The following SGCD variants were observed in gnomAD, a reference collection of about 807,000 sequenced individuals.
SGCD encodes the protein sarcoglycan delta.
Under a neutral mutation model 36.6 loss-of-function variants are expected in SGCD, and 18 were observed. That is an observed-to-expected ratio of 0.49 (90% CI 0.34 to 0.73). The LOEUF (loss-of-function observed/expected upper bound fraction) is 0.73, where lower values mean the gene tolerates loss of function less well. SGCD is among the 30% of genes least tolerant of loss of function. The pLI is 0.01. For synonymous variants in SGCD, 133 were observed against 130.6 expected (o/e 1.02, Z -0.12); for missense variants, 387 against 346.7 (o/e 1.12, Z -0.92).
intron 7 of SGCD, among the ~76,000 whole-genome samples, chr5:156,700,114 C>A (rs961295074): frequency 2.0e-5 from 3 of 152,182 alleles, no homozygotes; most frequent in Non-Finnish European, 2.9e-5. Flanking sequence ...CAATCTAATT[C>A]TTTGTCTACC....
intron 2 of SGCD, among the ~76,000 whole-genome samples, chr5:156,333,630 C>T (rs962467221): frequency 8.6e-5 from 13 of 152,028 alleles, no homozygotes; most frequent in Non-Finnish European, 1.5e-4. Context: ...ACCACTCTTT[C>T]TCATTGGCTC....
intron 1 of SGCD, among the ~76,000 whole-genome samples, chr5:155,951,890 T>G (rs2113431920): frequency 6.6e-6 from 1 of 152,196 alleles, no homozygotes; most frequent in South Asian, 2.1e-4. Flanking sequence ...CCAGCAATGG[T>G]TAATGTACTA....
intron 3 of SGCD, among the ~76,000 whole-genome samples, chr5:156,485,952 G>A (rs1755637680): frequency 6.6e-6 from 1 of 152,124 alleles, no homozygotes; most frequent in South Asian, 2.1e-4. Context: ...CCTAGTTACA[G>A]AAGAGCTCCT....
intron 1 of SGCD, among the ~76,000 whole-genome samples, chr5:156,111,110 G>T (rs763543957): frequency 3.9e-5 from 6 of 152,160 alleles, no homozygotes; most frequent in Non-Finnish European, 8.8e-5. Flanking sequence ...TGAGAAAAAA[G>T]AAGAGAGGAG....
the SGCD span, among the ~76,000 whole-genome samples, chr5:155,823,328 G>A: frequency 5.4e-4 from 82 of 150,986 alleles, no homozygotes; most frequent in Admixed American, 1.2e-3. Context: ...AAAAAAGGTC[G>A]GGGGGTGGTG....
At chr5:155,729,267 C>T in the SGCD span, among the ~76,000 whole-genome samples, 38 of 152,226 alleles carry the variant, frequency 2.5e-4, no homozygotes, top group Non-Finnish European at 1.0e-4. Context: ...GCTTTTCAGC[C>T]GCCCGCGCGT....
intron 3 of SGCD, among the ~76,000 whole-genome samples, chr5:156,447,542 A>G (rs1304030824): frequency 6.6e-6 from 1 of 152,158 alleles, no homozygotes; most frequent in Non-Finnish European, 1.5e-5. Context: ...GTGTTTAAAA[A>G]TCTGATAATG....
intron 1 of SGCD, among the ~76,000 whole-genome samples, chr5:156,095,523 A>C (rs1002123065): frequency 6.6e-6 from 1 of 152,156 alleles, no homozygotes. Context: ...AACCTGCAGA[A>C]GTGTTCACAC....
chr5:156,334,710 GTTTATTATC>G (rs1768252941), intron 2 of SGCD, among the ~76,000 whole-genome samples: 1 of 137,910 alleles, frequency 7.3e-6, no homozygotes, highest in African/African-American at 2.7e-5. Context: ...TGGTGTTTAT[GTTTATTATC>G]TGTCTCCCCA....
chr5:156,532,588 G>T (rs1291950936), intron 4 of SGCD, among the ~76,000 whole-genome samples: 1 of 152,104 alleles, frequency 6.6e-6, no homozygotes, highest in Non-Finnish European at 1.5e-5. Context: ...AGCCTCCCGA[G>T]TAGCTAGAAC....
the SGCD span, among the ~76,000 whole-genome samples, chr5:155,769,231 A>G: frequency 0.07 from 10,574 of 152,140 alleles, 579 homozygotes; most frequent in East Asian, 0.18. Context: ...TATGCATACA[A>G]AGTATGCTAG....
intron 3 of SGCD, among the ~76,000 whole-genome samples, chr5:156,150,254 T>C (rs1319982897): frequency 6.8e-6 from 1 of 147,934 alleles, no homozygotes; most frequent in Non-Finnish European, 1.5e-5. Context: ...TGCTTACTAG[T>C]CCACCCACTT....
chr5:155,799,810 CCCTTT>C, the SGCD span, among the ~76,000 whole-genome samples: 25 of 90,286 alleles, frequency 2.8e-4, no homozygotes, highest in African/African-American at 5.5e-4. Context: ...CTTCCTATTC[CCCTTT>C]TTTTTTTTTT....
intron 1 of SGCD, among the ~76,000 whole-genome samples, chr5:155,973,180 C>A (rs1758041249): frequency 6.6e-6 from 1 of 152,120 alleles, no homozygotes. Flanking sequence ...TATGGAAACT[C>A]ATCAGACTTG....
chr5:156,433,056 G>T (rs1753092472), intron 3 of SGCD, among the ~76,000 whole-genome samples: 1 of 152,172 alleles, frequency 6.6e-6, no homozygotes, highest in African/African-American at 2.4e-5. Context: ...TCAGTTGGGG[G>T]TGTCTTTCAA....
chr5:156,272,320 T>A (rs1419888734), intron 3 of SGCD, among the ~76,000 whole-genome samples: 2 of 152,214 alleles, frequency 1.3e-5, no homozygotes, highest in Non-Finnish European at 2.9e-5. Flanking sequence ...TGGTCTCCCA[T>A]CTCCATTCAA....
chr5:156,470,188 T>C (rs1399166122), intron 3 of SGCD, among the ~76,000 whole-genome samples: 5 of 152,192 alleles, frequency 3.3e-5, no homozygotes, highest in Non-Finnish European at 7.3e-5. Flanking sequence ...AGAGGAAAGA[T>C]ACATTTATAT....
chr5:156,363,340 T>C (rs1769909633), intron 3 of SGCD, among the ~76,000 whole-genome samples: 1 of 152,200 alleles, frequency 6.6e-6, no homozygotes, highest in African/African-American at 2.4e-5. Flanking sequence ...AGGGAGTCAG[T>C]GATTACCCCT....
At chr5:156,251,323 T>C (rs1307368533) in intron 3 of SGCD, among the ~76,000 whole-genome samples, 1 of 152,156 alleles carries the variant, frequency 6.6e-6, no homozygotes, top group African/African-American at 2.4e-5. Context: ...AGAATGCAAA[T>C]AAGATACTGA....
Sources: allele counts gnomAD v4.1 joint callset (sites outside exome capture counted in the v4.1 genomes callset), GRCh38; gene constraint gnomAD v4.1.1; transcripts MANE v1.5; gene names NCBI Gene and HGNC (gene_info 2026-07-23, HGNC 2026-07-21).